The following FAM135B variants were observed in gnomAD, a reference collection of about 807,000 sequenced individuals.
FAM135B encodes protein FAM135B.
Under a neutral mutation model 127.7 loss-of-function variants are expected in FAM135B, and 43 were observed. That is an observed-to-expected ratio of 0.34 (90% confidence interval 0.26 to 0.43). The LOEUF (loss-of-function observed/expected upper bound fraction) is 0.43. Ranked by LOEUF, FAM135B falls within the 20% of genes least tolerant of loss-of-function variation. The probability of loss-of-function intolerance (pLI) is 1.00; values close to 1 mark genes in which losing one functional copy is unlikely to be tolerated. For missense variants in FAM135B, 1,558 were observed against 1,725.6 expected (o/e 0.90, Z 1.72); for synonymous variants, 670 against 665.1 (o/e 1.01, Z -0.11).
At chr8:138,314,240 G>A (rs947794374) in intron 2 of FAM135B, among the ~76,000 whole-genome samples, 2 of 152,142 alleles carry the variant, frequency 1.3e-5, no homozygotes, top group Non-Finnish European at 2.9e-5. Flanking sequence ...ATTATTTATT[G>A]ATCAGTTTGG....
chr8:138,258,068 T>G (rs938572463), intron 4 of FAM135B, among the ~76,000 whole-genome samples: 1 of 152,172 alleles, frequency 6.6e-6, no homozygotes, highest in Non-Finnish European at 1.5e-5. Flanking sequence ...TATTTTCTTG[T>G]GTAGTGTCCC....
chr8:138,270,543 A>C (rs1823300782), intron 3 of FAM135B, among the ~76,000 whole-genome samples: 2 of 152,262 alleles, frequency 1.3e-5, no homozygotes, highest in Non-Finnish European at 2.9e-5. Flanking sequence ...ATAACACAAT[A>C]GCACAGACTA....
chr8:138,162,930 A>G (rs577043646), intron 12 of FAM135B, among the ~76,000 whole-genome samples: 57 of 152,368 alleles, frequency 3.7e-4, no homozygotes, highest in Non-Finnish European at 3.5e-4. Context: ...AAAAAATTTT[A>G]TCAGATTCAT....
At chr8:138,149,949 C>T (rs561705772) in intron 13 of FAM135B, among the ~76,000 whole-genome samples, 150 of 152,250 alleles carry the variant, frequency 9.9e-4, no homozygotes, top group Middle Eastern at 3.4e-3. Flanking sequence ...CTGCTGTGTA[C>T]TCATGGAATT....
At chr8:138,142,398 G>C (rs1817269784) in intron 16 of FAM135B, among the ~76,000 whole-genome samples, 2 of 144,102 alleles carry the variant, frequency 1.4e-5, no homozygotes, top group African/African-American at 5.1e-5. Flanking sequence ...CTGCCTCCCA[G>C]GTTCACGCCA....
chr8:138,227,396 T>C (rs1819543028), intron 7 of FAM135B, among the ~76,000 whole-genome samples: 1 of 152,216 alleles, frequency 6.6e-6, no homozygotes, highest in African/African-American at 2.4e-5. Flanking sequence ...CATTCATGAA[T>C]AGGATCCTAT....
chr8:138,134,087 G>T (rs1175377197), intron 19 of FAM135B, among the ~76,000 whole-genome samples: 1 of 152,146 alleles, frequency 6.6e-6, no homozygotes, highest in Admixed American at 6.5e-5. Flanking sequence ...GTGAGGTTAT[G>T]CCACAGTAAT....
chr8:138,136,376 AT>A, intron 19 of FAM135B, among the ~76,000 whole-genome samples: 1 of 152,306 alleles, frequency 6.6e-6, no homozygotes, highest in South Asian at 2.1e-4. Context: ...GAAAGGGGAC[AT>A]TAGTGGACAC....
intron 1 of FAM135B, among the ~76,000 whole-genome samples, chr8:138,488,770 A>T (rs908865471): frequency 6.6e-6 from 1 of 152,058 alleles, no homozygotes; most frequent in Non-Finnish European, 1.5e-5. Context: ...AGGTTCAAGC[A>T]ATTTTCCTGC....
At position 138,178,720 on chromosome 8, in the gene FAM135B, G is replaced by C. The variant is rs753845343; in HGVS notation, c.874-30C>G. Reference sequence around the variant, plus strand: ...AGAGGCAAAAAAGGTGGTATTCAAGGCTCCTGACTCCATGAAGTCAGGAGC... The same window carrying C: ...AGAGGCAAAAAAGGTGGTATTCAAGCCTCCTGACTCCATGAAGTCAGGAGC... On this transcript the variant is annotated intron_variant, in intron 9 of 19. Transcript: ENST00000395297. 2.5e-5 allele frequency: 40 copies of C among 1,609,082 alleles called. No individual in the cohort carries two copies. In the South Asian group the frequency reaches 3.0e-4, roughly 12 times the overall value.
chr8:138,317,052 G>A (rs1348389174), intron 2 of FAM135B, among the ~76,000 whole-genome samples: 2 of 150,780 alleles, frequency 1.3e-5, no homozygotes, highest in Non-Finnish European at 2.9e-5. Context: ...TTCTCTTAGA[G>A]AAATAAAAAC....
chr8:138,481,608 G>A (rs1394642805), intron 1 of FAM135B, among the ~76,000 whole-genome samples: 1 of 152,208 alleles, frequency 6.6e-6, no homozygotes, highest in Non-Finnish European at 1.5e-5. Flanking sequence ...GCCCTTCAAG[G>A]CTGGCTTCCA....
At chr8:138,343,307 G>A (rs964840481) in intron 2 of FAM135B, among the ~76,000 whole-genome samples, 2 of 152,230 alleles carry the variant, frequency 1.3e-5, no homozygotes, top group African/African-American at 4.8e-5. Context: ...GAAGACACAT[G>A]CAGACACTGC....
chr8:138,480,194 C>T (rs1368241218), intron 1 of FAM135B, among the ~76,000 whole-genome samples: 1 of 149,074 alleles, frequency 6.7e-6, no homozygotes, highest in Non-Finnish European at 1.5e-5. Context: ...CATGGGGACT[C>T]CCTGGGACAA....
rs1316496904 is a variant in FAM135B, at chr8:138,186,278, A to G, written c.874-7588T>C. Among the ~76,000 whole-genome samples the G allele has an allele frequency of 2.0e-5, 3 of 152,160 alleles. No individual in the cohort carries two copies. In the East Asian group the frequency reaches 5.8e-4, roughly 29 times the overall value. On this transcript the variant is annotated intron_variant, in intron 9 of 19. Coordinates refer to ENST00000395297, the MANE Select transcript of FAM135B (RefSeq NM_015912.4). Reference sequence around the variant, plus strand: ...AAGTAAGTCCTGCTTGGTATCTTCCATCTTTGTATAACCAATGAATAGTCC... The same window carrying G: ...AAGTAAGTCCTGCTTGGTATCTTCCGTCTTTGTATAACCAATGAATAGTCC...
At chr8:138,345,501 A>G (rs552802527) in intron 2 of FAM135B, among the ~76,000 whole-genome samples, 2 of 152,310 alleles carry the variant, frequency 1.3e-5, no homozygotes, top group East Asian at 1.9e-4. Context: ...TGGGCAGTAG[A>G]CTGACTGCAA....
intron 2 of FAM135B, among the ~76,000 whole-genome samples, chr8:138,342,531 TG>T (rs1198199746): frequency 6.6e-6 from 1 of 152,212 alleles, no homozygotes; most frequent in African/African-American, 2.4e-5. Context: ...GGCACTCAAA[TG>T]GTTCTTAGAA....
chr8:138,355,262 A>G (rs1002400973), intron 2 of FAM135B, among the ~76,000 whole-genome samples: 3 of 152,172 alleles, frequency 2.0e-5, no homozygotes, highest in Non-Finnish European at 4.4e-5. Context: ...ATAAAGACAC[A>G]TGCACACCTA....
chr8:138,425,537 T>C (rs1834791976), intron 1 of FAM135B: 1 of 8,744 alleles, frequency 1.1e-4, no homozygotes, highest in South Asian at 8.2e-3. Flanking sequence ...GTGTGGTCTC[T>C]ATAGTGGCCA....
Sources: allele counts gnomAD v4.1 joint callset (sites outside exome capture counted in the v4.1 genomes callset), GRCh38; gene constraint gnomAD v4.1.1; transcripts MANE v1.5; gene names NCBI Gene and HGNC (gene_info 2026-07-23, HGNC 2026-07-21).